Variants in ABHD12 observed in about 807,000 individuals in gnomAD.
ABHD12 encodes the protein abhydrolase domain containing 12, lysophospholipase.
In ABHD12, 43 loss-of-function variants were observed where a neutral mutation model predicts 58.3. The ratio of observed to expected loss-of-function variants is 0.74; its 90% confidence interval spans 0.58 to 0.95. The LOEUF is 0.95. ABHD12 is among the 40% of genes least tolerant of loss of function. The pLI is 0.00. For synonymous variants in ABHD12, 219 were observed against 211.2 expected, an observed-to-expected ratio of 1.04 and a Z score of -0.32; for missense variants, 539 against 537.2, an observed-to-expected ratio of 1.00 and a Z score of -0.03.
chr20:25,349,261 T>A (rs762309948), intron 1 of ABHD12, among the ~76,000 whole-genome samples: 1 of 152,090 alleles, frequency 6.6e-6, no homozygotes, highest in Non-Finnish European at 1.5e-5. Context: ...GATACACACA[T>A]GCTGGGAGTA....
intron 4 of ABHD12, among the ~76,000 whole-genome samples, chr20:25,319,975 G>A (rs1047322973): frequency 2.6e-5 from 4 of 152,216 alleles, no homozygotes; most frequent in African/African-American, 9.6e-5. Flanking sequence ...TGGGAACCCT[G>A]CTTCATGTAA....
intron 1 of ABHD12, among the ~76,000 whole-genome samples, chr20:25,355,563 GTTGT>G (rs769915848): frequency 4.7e-5 from 7 of 149,844 alleles, no homozygotes; most frequent in Non-Finnish European, 8.9e-5. Context: ...TTTTTTTTTT[GTTGT>G]TTGTTTGTTT....
intron 1 of ABHD12, among the ~76,000 whole-genome samples, chr20:25,369,752 G>A (rs909058803): frequency 6.6e-6 from 1 of 152,054 alleles, no homozygotes; most frequent in Non-Finnish European, 1.5e-5. Context: ...CTTCACACTG[G>A]AAAAACTTGC....
At chr20:25,365,984 G>A (rs1454965450) in intron 1 of ABHD12, among the ~76,000 whole-genome samples, 2 of 152,200 alleles carry the variant, frequency 1.3e-5, no homozygotes, top group Admixed American at 1.3e-4. Context: ...AGGCTGTAGT[G>A]AGCTGAGATC....
In ABHD12 at chr20:25,315,151, T is replaced by C. The variant is rs2297496; in HGVS notation, c.574-181A>G. ...GGTTTTATGAAACCAAGATGCCAAC[T>C]GCCACTGCAGGACTTGCTGACATCC... On this transcript the variant is annotated intron_variant, in intron 5 of 12. Transcript: ENST00000339157. 0.55 allele frequency among the ~76,000 whole-genome samples: 83,611 copies of C among 152,052 alleles called. 23,611 individuals carry two copies. Among genetic ancestry groups the C allele is most frequent in the Admixed American group, 0.62 (9,405 of 15,284 alleles).
chr20:25,374,434 T>C (rs2089937122), intron 1 of ABHD12, among the ~76,000 whole-genome samples: 1 of 152,232 alleles, frequency 6.6e-6, no homozygotes, highest in Non-Finnish European at 1.5e-5. Flanking sequence ...TGGGTAATTT[T>C]CAGATTTTCC....
At chr20:25,384,020 T>C (rs1442427323) in intron 1 of ABHD12, among the ~76,000 whole-genome samples, 5 of 135,940 alleles carry the variant, frequency 3.7e-5, no homozygotes, top group African/African-American at 8.5e-5. Flanking sequence ...CGGGCGCCCA[T>C]AGTCCCAGCT....
intron 5 of ABHD12, 35 bp from the exon 6 acceptor site, chr20:25,315,005 A>G (rs749518757): frequency 6.2e-7 from 1 of 1,612,932 alleles, no homozygotes; most frequent in Non-Finnish European, 8.5e-7. Flanking sequence ...TTGGCAACAA[A>G]TCCAAGCATC....
At chr20:25,387,460 C>G (rs1424354203) in intron 1 of ABHD12, among the ~76,000 whole-genome samples, 1 of 151,576 alleles carries the variant, frequency 6.6e-6, no homozygotes, top group Non-Finnish European at 1.5e-5. Context: ...TCTCGGGAGG[C>G]TGAGGCAGGA....
At chr20:25,346,737 TG>T (rs1481875682) in intron 1 of ABHD12, among the ~76,000 whole-genome samples, 9 of 128,492 alleles carry the variant, frequency 7.0e-5, no homozygotes, top group Non-Finnish European at 1.2e-4. Flanking sequence ...CTCTGCCTCC[TG>T]GGTTCACACC....
chr20:25,360,145 G>A (rs779642772), intron 1 of ABHD12, among the ~76,000 whole-genome samples: 4 of 148,228 alleles, frequency 2.7e-5, no homozygotes, highest in African/African-American at 5.0e-5. Context: ...ATAGTGGGAC[G>A]TAGGATTCTA....
At position 25,369,283 on chromosome 20, in the gene ABHD12, T is replaced by C. The variant is rs144539314; in HGVS notation, c.191+21230A>G. 1.3e-4 allele frequency among the ~76,000 whole-genome samples: 20 copies of C among 152,308 alleles called. No individual in the cohort carries two copies. The East Asian group carries it at 3.7e-3, about 28-fold the overall frequency. ...AATGTCTCTTCGAGTTCTAGGCCCA[T>C]TTTTGAATTGGTGTTTTGTTGCGGA... On this transcript the variant is annotated intron_variant, in intron 1 of 12. Coordinates refer to ENST00000339157, the MANE Select transcript of ABHD12 (RefSeq NM_001042472.3).
At chr20:25,295,722 G>A, downstream of ABHD12, 3 of 1,522,746 alleles carry the variant, frequency 2.0e-6, no homozygotes, top group Non-Finnish European at 1.8e-6. Flanking sequence ...GGTCCATGTA[G>A]ACGTGTTGGG....
chr20:25,361,218 C>T (rs1001936461), intron 1 of ABHD12, among the ~76,000 whole-genome samples: 2 of 152,212 alleles, frequency 1.3e-5, no homozygotes, highest in Admixed American at 1.3e-4. Flanking sequence ...CTCTGACTTC[C>T]CTAGACAGGA....
intron 1 of ABHD12, among the ~76,000 whole-genome samples, chr20:25,384,648 G>A (rs2090064646): frequency 6.6e-6 from 1 of 152,138 alleles, no homozygotes; most frequent in Non-Finnish European, 1.5e-5. Flanking sequence ...GTAAGGCTGA[G>A]GTGCGAAGAC....
At chr20:25,295,507 G>A (rs527298627), downstream of ABHD12, 548 of 1,387,438 alleles carry the variant, frequency 3.9e-4, 3 homozygotes, top group South Asian at 6.1e-3. Flanking sequence ...AGGACCAGGT[G>A]GATGGTGCCT....
chr20:25,367,257 CAAAG>C (rs1323628467), intron 1 of ABHD12, among the ~76,000 whole-genome samples: 1 of 152,100 alleles, frequency 6.6e-6, no homozygotes, highest in Non-Finnish European at 1.5e-5. Flanking sequence ...CATTAAAAAA[CAAAG>C]AATGAGTGTT....
exon 13 of ABHD12, chr20:25,294,987 A>C: frequency 3.7e-6 from 6 of 1,614,090 alleles, no homozygotes; most frequent in Non-Finnish European, 5.1e-6. Context: ...ACCAGCTCTG[A>C]CCACATGCTG....
chr20:25,335,118 A>G (rs1283632232), intron 2 of ABHD12, among the ~76,000 whole-genome samples: 2 of 152,084 alleles, frequency 1.3e-5, no homozygotes, highest in African/African-American at 4.8e-5. Flanking sequence ...AGAAAAAAAC[A>G]AACAACCCCA....
Sources: gnomAD v4.1 joint callset for allele counts (sites outside exome capture counted in the v4.1 genomes callset) on GRCh38, gnomAD v4.1.1 for gene constraint, MANE v1.5 for transcripts, NCBI Gene and HGNC (gene_info 2026-07-23, HGNC 2026-07-21) for gene names.